DIAPH1: variants seen among roughly 807,000 people sequenced by gnomAD.
DIAPH1 encodes diaphanous related formin 1, also known as protein diaphanous homolog 1.
Under a neutral mutation model 140.7 loss-of-function variants are expected in DIAPH1, and 46 were observed. The observed-to-expected ratio is 0.33, with a 90% CI of 0.26 to 0.42. DIAPH1 has a LOEUF of 0.42. Ranked by LOEUF, DIAPH1 falls within the 10% of genes least tolerant of loss-of-function variation. The probability of loss-of-function intolerance (pLI) is 1.00; values close to 1 mark genes in which losing one functional copy is unlikely to be tolerated. For missense variants in DIAPH1, 1,310 were observed against 1,558.7 expected, an observed-to-expected ratio of 0.84 and a Z score of 2.69; for synonymous variants, 565 against 551.6, an observed-to-expected ratio of 1.02 and a Z score of -0.34.
intron 18 of DIAPH1, among the ~76,000 whole-genome samples, chr5:141,550,053 A>G (rs985738065): frequency 6.6e-6 from 1 of 152,228 alleles, no homozygotes; most frequent in Non-Finnish European, 1.5e-5. Context: ...TAACTAGAAG[A>G]AAGTTGTCCA....
chr5:141,551,181 G>A (rs1364437759), intron 18 of DIAPH1, among the ~76,000 whole-genome samples: 1 of 152,212 alleles, frequency 6.6e-6, no homozygotes, highest in Non-Finnish European at 1.5e-5. Context: ...CGGGCTCAGT[G>A]GCTTATGCCT....
chr5:141,585,427 T>C (rs940489519), intron 3 of DIAPH1, among the ~76,000 whole-genome samples: 1 of 152,190 alleles, frequency 6.6e-6, no homozygotes, highest in Non-Finnish European at 1.5e-5. Context: ...AAAGGATTCA[T>C]CCATCGAATT....
intron 1 of DIAPH1, among the ~76,000 whole-genome samples, chr5:141,613,888 A>G (rs2099902237): frequency 6.6e-6 from 1 of 152,186 alleles, no homozygotes. Flanking sequence ...GACTGCCCCT[A>G]ATTCCCCAAA....
At chr5:141,542,420 G>A (rs2099890131) in intron 18 of DIAPH1, among the ~76,000 whole-genome samples, 1 of 151,686 alleles carries the variant, frequency 6.6e-6, no homozygotes, top group Non-Finnish European at 1.5e-5. Context: ...GCAACAGAGT[G>A]GGACTCTGTC....
At chr5:141,618,698 G>C (rs2154597555) in intron 1 of DIAPH1, 100 bp downstream of exon 1, 1 of 760,008 alleles carries the variant, frequency 1.3e-6, no homozygotes, top group South Asian at 1.6e-5. Context: ...AAGGCGCGGG[G>C]GCGGCTCCCC....
At chr5:141,598,529 A>T (rs1311804417) in intron 1 of DIAPH1, among the ~76,000 whole-genome samples, 1 of 152,222 alleles carries the variant, frequency 6.6e-6, no homozygotes, top group Non-Finnish European at 1.5e-5. Flanking sequence ...CACTAAGACC[A>T]TCCATCAACA....
chr5:141,593,815 C>G (rs914066712), intron 1 of DIAPH1, among the ~76,000 whole-genome samples: 2 of 152,124 alleles, frequency 1.3e-5, no homozygotes, highest in African/African-American at 4.8e-5. Flanking sequence ...GGAGCAAGAA[C>G]TTTCTTTTCT....
intron 18 of DIAPH1, among the ~76,000 whole-genome samples, chr5:141,538,369 T>C (rs1033127464): frequency 3.3e-5 from 5 of 149,682 alleles, no homozygotes; most frequent in African/African-American, 4.9e-5. Context: ...TTTTTGTTTT[T>C]TGAGACGGAG....
intron 27 of DIAPH1, among the ~76,000 whole-genome samples, chr5:141,522,576 G>A (rs2099886709): frequency 8.8e-6 from 1 of 113,258 alleles, no homozygotes; most frequent in Admixed American, 9.0e-5. Flanking sequence ...AGCCGACGGG[G>A]TCAAAAAAAA....
chr5:141,544,061 A>AGC (rs1596352482), intron 18 of DIAPH1, among the ~76,000 whole-genome samples: 1 of 152,350 alleles, frequency 6.6e-6, no homozygotes, highest in East Asian at 1.9e-4. Flanking sequence ...CTGTAATCCC[A>AGC]GCACTTTGGG....
intron 8 of DIAPH1, among the ~76,000 whole-genome samples, chr5:141,580,354 G>A (rs1227427501): frequency 1.3e-5 from 2 of 151,996 alleles, no homozygotes; most frequent in African/African-American, 4.8e-5. Context: ...TCTCTTTGCA[G>A]AATAGGATTT....
intron 1 of DIAPH1, among the ~76,000 whole-genome samples, chr5:141,614,701 A>C (rs1330947364): frequency 6.6e-6 from 1 of 152,198 alleles, no homozygotes; most frequent in Non-Finnish European, 1.5e-5. Flanking sequence ...ACAAGGCAGG[A>C]AGAATGGCGG....
Position 141,573,815 on chromosome 5 carries a change from G to A in DIAPH1, c.2035C>T (p.Pro679Ser), listed in dbSNP as rs1455766498. Residue 679 changes from proline (P) to serine (S), a missense_variant, in exon 16 of 28, where the codon CCT becomes TCT. By Grantham distance (74) the Pro-to-Ser change is moderately conservative. Coordinates refer to ENST00000389054, the MANE Select transcript of DIAPH1 (RefSeq NM_005219.5). ...LPGGTAIPPPPPLPGSARIPP... is the reference protein window; with the variant it reads ...LPGGTAIPPPSPLPGSARIPP... The stretch of plus-strand genomic sequence containing the variant: ...ATTCTAGCACTCCCAGGCAAAGGAG[G>A]AGGTGGGGGGATGGCAGTACCTCCA... The A allele has an allele frequency of 8.6e-6, 13 of 1,513,202 alleles. No homozygotes were observed. The highest frequency in any genetic ancestry group is 1.2e-5 in the Non-Finnish European group (13 of 1,125,002). The allele number at this position is 1,513,202 out of a possible 1,614,324, so 93.7% of individuals were successfully genotyped here.
intron 2 of DIAPH1, among the ~76,000 whole-genome samples, chr5:141,587,918 T>A (rs2099897784): frequency 6.6e-6 from 1 of 152,200 alleles, no homozygotes; most frequent in South Asian, 2.1e-4. Context: ...TTATCAGCTC[T>A]CCTTGTTTGA....
intron 18 of DIAPH1, among the ~76,000 whole-genome samples, chr5:141,570,698 G>A (rs2099895055): frequency 2.0e-5 from 3 of 152,006 alleles, no homozygotes; most frequent in African/African-American, 7.2e-5. Context: ...CATCACTAGG[G>A]TCATAGTAAG....
intron 1 of DIAPH1, among the ~76,000 whole-genome samples, chr5:141,600,399 G>A (rs1474896684): frequency 1.3e-5 from 2 of 152,174 alleles, no homozygotes; most frequent in African/African-American, 2.4e-5. Flanking sequence ...CCAAACTTCT[G>A]ACCAACAGAA....
intron 24 of DIAPH1, among the ~76,000 whole-genome samples, chr5:141,527,234 C>A (rs2099887490): frequency 6.6e-6 from 1 of 151,948 alleles, no homozygotes; most frequent in African/African-American, 2.4e-5. Flanking sequence ...AAGTGAGACC[C>A]CATCTCTAAA....
At chr5:141,599,573 C>G (rs1002723211) in intron 1 of DIAPH1, among the ~76,000 whole-genome samples, 1 of 152,176 alleles carries the variant, frequency 6.6e-6, no homozygotes, top group South Asian at 2.1e-4. Flanking sequence ...GCCTCAGCCT[C>G]CTGAGTAGCT....
chr5:141,519,848 TACTC>T (rs1162725157), intron 27 of DIAPH1, among the ~76,000 whole-genome samples: 2 of 152,118 alleles, frequency 1.3e-5, no homozygotes, highest in Non-Finnish European at 2.9e-5. Flanking sequence ...TCCCCCAACT[TACTC>T]ACTTGTTATT....
Sources: allele counts gnomAD v4.1 joint callset (sites outside exome capture counted in the v4.1 genomes callset), GRCh38; gene constraint gnomAD v4.1.1; transcripts MANE v1.5; gene names NCBI Gene and HGNC (gene_info 2026-07-23, HGNC 2026-07-21).